Variants in AOPEP observed in about 807,000 individuals in gnomAD.
The protein encoded by AOPEP is aminopeptidase O.
In AOPEP, 77 loss-of-function variants were observed where a neutral mutation model predicts 98.1. That is an observed-to-expected ratio of 0.78 (90% CI 0.65 to 0.95). AOPEP has a LOEUF of 0.95. Among genes scored for constraint, AOPEP ranks in the 40% least tolerant of loss-of-function variants. AOPEP has a pLI of 0.00. For missense variants in AOPEP, 1,024 were observed against 1,024.7 expected, an observed-to-expected ratio of 1.00 and a Z score of 0.01; for synonymous variants, 346 against 365.3, an observed-to-expected ratio of 0.95 and a Z score of 0.60.
intron 13 of AOPEP, among the ~76,000 whole-genome samples, chr9:95,030,799 A>T (rs546852104): frequency 6.6e-6 from 1 of 152,314 alleles, no homozygotes; most frequent in South Asian, 2.1e-4. Context: ...ATTATGGAAG[A>T]TGAGCTTCAA....
intron 13 of AOPEP, among the ~76,000 whole-genome samples, chr9:95,005,819 T>C (rs1282778760): frequency 6.6e-6 from 1 of 152,144 alleles, no homozygotes; most frequent in Non-Finnish European, 1.5e-5. Flanking sequence ...TAGGAGAGAG[T>C]AGCCCATGAA....
At chr9:95,082,233 G>A (rs2069889094) in intron 15 of AOPEP, among the ~76,000 whole-genome samples, 3 of 152,196 alleles carry the variant, frequency 2.0e-5, no homozygotes, top group South Asian at 2.1e-4. Context: ...GGCTCTCCGC[G>A]TGGTAATTCT....
intron 5 of AOPEP, among the ~76,000 whole-genome samples, chr9:94,867,619 A>G (rs957120153): frequency 6.6e-5 from 10 of 152,236 alleles, no homozygotes; most frequent in Middle Eastern, 3.2e-3. Flanking sequence ...TTATTCTGTC[A>G]GACTCTTTTC....
the AOPEP span, chr9:95,114,672 T>C: frequency 6.2e-7 from 1 of 1,614,218 alleles, no homozygotes; most frequent in Admixed American, 1.7e-5. Context: ...AGTTCAGAAA[T>C]ATGCTTCAGT....
intron 3 of AOPEP, among the ~76,000 whole-genome samples, chr9:94,774,089 T>G (rs1841510115): frequency 1.3e-5 from 2 of 152,082 alleles, no homozygotes; most frequent in African/African-American, 4.8e-5. Context: ...TTTCTTTATT[T>G]AAAATATGGC....
chr9:95,034,324 C>T (rs1341616585), intron 13 of AOPEP, among the ~76,000 whole-genome samples: 2 of 152,056 alleles, frequency 1.3e-5, no homozygotes, highest in African/African-American at 4.8e-5. Flanking sequence ...ACCCAGACAC[C>T]CATTAAGACG....
chr9:95,023,253 G>T (rs1180335157), intron 13 of AOPEP, among the ~76,000 whole-genome samples: 1 of 152,208 alleles, frequency 6.6e-6, no homozygotes, highest in East Asian at 1.9e-4. Flanking sequence ...ATGTTCCTGA[G>T]AGCTGATAGG....
chr9:94,949,340 C>CTA (rs2057928016), intron 7 of AOPEP, among the ~76,000 whole-genome samples: 1 of 152,180 alleles, frequency 6.6e-6, no homozygotes, highest in Non-Finnish European at 1.5e-5. Flanking sequence ...CACAGTTCTG[C>CTA]TAACTACAGA....
chr9:95,077,438 CAGTG>C lies in AOPEP; in HGVS notation c.2233-3253_2233-3250del, dbSNP rs1365380028. 2.0e-5 allele frequency among the ~76,000 whole-genome samples: 3 copies of C among 152,230 alleles called. No individual in the cohort carries two copies. The East Asian group carries it at 5.8e-4, about 29-fold the overall frequency. On this transcript the variant is annotated intron_variant, in intron 14 of 16. Transcript: ENST00000375315. ...CGGGGTGGCTGGCGACCAGAAGAGA[CAGTG>C]AGGAGTGCCCACTGGTGCCAGGCAC...
intron 7 of AOPEP, chr9:94,933,024 C>T (rs2055622363): frequency 1.0e-6 from 1 of 985,314 alleles, no homozygotes; most frequent in African/African-American, 1.7e-5. Flanking sequence ...GTCTTTCCCA[C>T]AGATAAGACC....
At chr9:94,869,259 A>G (rs1001130885) in intron 5 of AOPEP, among the ~76,000 whole-genome samples, 25 of 152,152 alleles carry the variant, frequency 1.6e-4, no homozygotes, top group African/African-American at 5.5e-4. Context: ...AAATAAAAAT[A>G]AAGACATTTG....
chr9:94,986,306 T>G (rs1273776706), intron 11 of AOPEP, among the ~76,000 whole-genome samples: 1 of 152,190 alleles, frequency 6.6e-6, no homozygotes, highest in Non-Finnish European at 1.5e-5. Flanking sequence ...TGACCTAATT[T>G]TACCTTAATT....
At chr9:94,802,384 A>G (rs1240714862) in intron 5 of AOPEP, among the ~76,000 whole-genome samples, 2 of 152,204 alleles carry the variant, frequency 1.3e-5, no homozygotes, top group African/African-American at 4.8e-5. Context: ...TGAGGGAACC[A>G]AAGGCAGAGT....
At chr9:95,131,881 T>C in the AOPEP span, among the ~76,000 whole-genome samples, 1 of 152,180 alleles carries the variant, frequency 6.6e-6, no homozygotes, top group Admixed American at 6.5e-5. Flanking sequence ...AGTGCTACAA[T>C]TGCTACCTGG....
intron 7 of AOPEP, chr9:94,931,877 G>A: frequency 7.6e-7 from 1 of 1,319,362 alleles, no homozygotes; most frequent in South Asian, 1.4e-5. Flanking sequence ...TGCCTCTGTG[G>A]CCAGTCCTTC....
chr9:95,137,407 C>G, the AOPEP span, among the ~76,000 whole-genome samples: 1 of 152,076 alleles, frequency 6.6e-6, no homozygotes, highest in Non-Finnish European at 1.5e-5. Context: ...ACATTCACCT[C>G]AGAGCCTCCT....
chr9:94,737,367 C>G (rs1487188063), intron 1 of AOPEP, among the ~76,000 whole-genome samples: 1 of 152,184 alleles, frequency 6.6e-6, no homozygotes, highest in Non-Finnish European at 1.5e-5. Flanking sequence ...GCCTTGGCCT[C>G]CCAAAGTGCT....
At chr9:94,856,534 T>C (rs1375049806) in intron 5 of AOPEP, among the ~76,000 whole-genome samples, 2 of 151,474 alleles carry the variant, frequency 1.3e-5, no homozygotes, top group African/African-American at 2.4e-5. Context: ...CCAGCTACTT[T>C]GAAGGCTGAG....
In AOPEP at chr9:95,024,193, C is replaced by T. The variant is rs534745678; in HGVS notation, c.2115+18577C>T. Among the ~76,000 whole-genome samples, 11 of 152,308 alleles carry T rather than the reference C, an allele frequency of 7.2e-5. No individual in the cohort carries two copies. The South Asian group carries it at 2.3e-3, about 32-fold the overall frequency. Reference sequence around the variant, plus strand: ...CAGGCAGGTTGTTGTTTTTCCCCACCTGATCCCTGCTTTTCCTTGAGAAGT... The same window carrying T: ...CAGGCAGGTTGTTGTTTTTCCCCACTTGATCCCTGCTTTTCCTTGAGAAGT... On this transcript the variant is annotated intron_variant, in intron 13 of 16. Coordinates refer to ENST00000375315, the MANE Select transcript of AOPEP (RefSeq NM_001193329.3).
Sources: gnomAD v4.1 joint callset for allele counts (sites outside exome capture counted in the v4.1 genomes callset) on GRCh38, gnomAD v4.1.1 for gene constraint, MANE v1.5 for transcripts, NCBI Gene and HGNC (gene_info 2026-07-23, HGNC 2026-07-21) for gene names.